Variants in RPS6KC1 observed in about 807,000 individuals in gnomAD.
The protein encoded by RPS6KC1 is inactive ribosomal protein S6 kinase delta-1.
Under a neutral mutation model 103.8 loss-of-function variants are expected in RPS6KC1, and 54 were observed. That is an observed-to-expected ratio of 0.52 (90% CI 0.42 to 0.65). The LOEUF is 0.65. RPS6KC1 is among the 30% of genes least tolerant of loss of function. The pLI is 0.00. For synonymous variants in RPS6KC1, 439 were observed against 438.7 expected (o/e 1.00, Z -0.01); for missense variants, 1,151 against 1,253.8 (o/e 0.92, Z 1.24).
the RPS6KC1 span, among the ~76,000 whole-genome samples, chr1:213,602,123 T>TTTCTTTCC: frequency 2.5e-5 from 1 of 39,532 alleles, no homozygotes; most frequent in African/African-American, 1.1e-4. Flanking sequence ...TTTCTTTCTC[T>TTTCTTTCC]TTCTTTCTTT....
chr1:213,370,200 T>C, the RPS6KC1 span, among the ~76,000 whole-genome samples: 1 of 152,162 alleles, frequency 6.6e-6, no homozygotes, highest in Non-Finnish European at 1.5e-5. Context: ...GGCTCTTGCT[T>C]GTACTAAGAC....
At chr1:213,221,863 A>T (rs2093840982) in intron 8 of RPS6KC1, among the ~76,000 whole-genome samples, 1 of 152,154 alleles carries the variant, frequency 6.6e-6, no homozygotes, top group African/African-American at 2.4e-5. Flanking sequence ...GGCATTTTGG[A>T]TTTTAATAAC....
chr1:213,259,794 A>G (rs941304308), intron 12 of RPS6KC1, among the ~76,000 whole-genome samples: 1 of 125,648 alleles, frequency 8.0e-6, no homozygotes, highest in Non-Finnish European at 1.6e-5. Flanking sequence ...GCTGGAGTGC[A>G]GTGGCCTGCT....
At chr1:213,181,072 C>T (rs2092239895) in intron 8 of RPS6KC1, among the ~76,000 whole-genome samples, 1 of 152,094 alleles carries the variant, frequency 6.6e-6, no homozygotes, top group Non-Finnish European at 1.5e-5. Context: ...ACTGCAGCCT[C>T]CTGTGAGTTA....
the RPS6KC1 span, among the ~76,000 whole-genome samples, chr1:213,620,494 T>C: frequency 1.3e-5 from 2 of 152,218 alleles, no homozygotes. Context: ...TCTAGTTCTC[T>C]TCAAGGGTAG....
At chr1:213,396,705 G>T in the RPS6KC1 span, among the ~76,000 whole-genome samples, 1 of 152,188 alleles carries the variant, frequency 6.6e-6, no homozygotes, top group African/African-American at 2.4e-5. Flanking sequence ...TTAGGGAAGG[G>T]GTTGCTGTGT....
At chr1:213,748,920 G>C in the RPS6KC1 span, among the ~76,000 whole-genome samples, 1 of 152,300 alleles carries the variant, frequency 6.6e-6, no homozygotes, top group Non-Finnish European at 1.5e-5. Context: ...GTAAATGGCA[G>C]TCTTAATTAT....
At chr1:213,511,301 G>T in the RPS6KC1 span, among the ~76,000 whole-genome samples, 3 of 152,306 alleles carry the variant, frequency 2.0e-5, no homozygotes, top group South Asian at 6.2e-4. Context: ...TTGGGAACTG[G>T]CTCTCTGAGG....
chr1:213,643,599 T>C, the RPS6KC1 span, among the ~76,000 whole-genome samples: 2 of 151,962 alleles, frequency 1.3e-5, no homozygotes, highest in Non-Finnish European at 2.9e-5. Context: ...ACTGTTTTTA[T>C]TTCTTTTAGT....
chr1:213,061,042 C>G (rs2077790805), intron 1 of RPS6KC1, among the ~76,000 whole-genome samples: 1 of 151,814 alleles, frequency 6.6e-6, no homozygotes, highest in African/African-American at 2.4e-5. Context: ...CAGCTGCCTT[C>G]TTGCTGTATG....
At chr1:213,795,527 A>T in the RPS6KC1 span, among the ~76,000 whole-genome samples, 3 of 152,212 alleles carry the variant, frequency 2.0e-5, no homozygotes, top group Non-Finnish European at 4.4e-5. Flanking sequence ...TTTTTAAAAA[A>T]TTATTACTGA....
At chr1:213,644,684 C>A in the RPS6KC1 span, among the ~76,000 whole-genome samples, 20 of 152,214 alleles carry the variant, frequency 1.3e-4, no homozygotes, top group African/African-American at 4.8e-4. Context: ...TCCTCCATGT[C>A]TTTTCATGAC....
intron 3 of RPS6KC1, among the ~76,000 whole-genome samples, chr1:213,090,313 T>G (rs1454028450): frequency 6.6e-6 from 1 of 152,198 alleles, no homozygotes; most frequent in Non-Finnish European, 1.5e-5. Context: ...TTTCTCTCTT[T>G]CTCTTTGATT....
At chr1:213,268,465 C>T (rs1386799348) in intron 14 of RPS6KC1, among the ~76,000 whole-genome samples, 1 of 151,148 alleles carries the variant, frequency 6.6e-6, no homozygotes, top group Non-Finnish European at 1.5e-5. Context: ...CAGGTAGTAA[C>T]TTAAGTCCAA....
At chr1:213,160,505 A>C (rs2090357294) in intron 6 of RPS6KC1, among the ~76,000 whole-genome samples, 1 of 152,214 alleles carries the variant, frequency 6.6e-6, no homozygotes, top group Non-Finnish European at 1.5e-5. Flanking sequence ...ACCATAATTA[A>C]AGATACTTTC....
the RPS6KC1 span, among the ~76,000 whole-genome samples, chr1:213,831,945 C>T: frequency 2.0e-5 from 3 of 152,208 alleles, no homozygotes; most frequent in Non-Finnish European, 4.4e-5. Context: ...TCTCTAGATA[C>T]AGGCTCCAGC....
the RPS6KC1 span, among the ~76,000 whole-genome samples, chr1:213,760,695 G>A: frequency 6.6e-6 from 1 of 152,184 alleles, no homozygotes; most frequent in Non-Finnish European, 1.5e-5. Context: ...AGTAAATAGT[G>A]TTTTGTTGTT....
At chr1:213,404,065 C>T in the RPS6KC1 span, among the ~76,000 whole-genome samples, 58 of 152,230 alleles carry the variant, frequency 3.8e-4, no homozygotes, top group Non-Finnish European at 7.4e-4. Context: ...TGTGGATAGT[C>T]GCGGGGGCTG....
At chr1:213,383,730 T>G in the RPS6KC1 span, among the ~76,000 whole-genome samples, 1 of 151,344 alleles carries the variant, frequency 6.6e-6, no homozygotes, top group South Asian at 2.1e-4. Flanking sequence ...AGAACACTCC[T>G]CCCCACCCCC....
Sources: gnomAD v4.1 joint callset for allele counts (sites outside exome capture counted in the v4.1 genomes callset) on GRCh38, gnomAD v4.1.1 for gene constraint, MANE v1.5 for transcripts, NCBI Gene and HGNC (gene_info 2026-07-23, HGNC 2026-07-21) for gene names.